Variants in TLL2 observed in about 807,000 individuals in gnomAD.
TLL2 encodes the protein tolloid-like protein 2.
TLL2 carries 106 observed loss-of-function variants against 123.0 expected under a neutral mutation model. That is an observed-to-expected ratio of 0.86 (90% CI 0.74 to 1.01). TLL2 has a LOEUF of 1.01. TLL2 is among the 50% of genes least tolerant of loss of function. The probability of loss-of-function intolerance (pLI) is 0.00; values close to 1 mark genes in which losing one functional copy is unlikely to be tolerated. For synonymous variants in TLL2, 494 were observed against 516.8 expected (o/e 0.96, Z 0.60); for missense variants, 1,332 against 1,336.7 (o/e 1.00, Z 0.06).
At chr10:96,392,932 G>C (rs35132272) in intron 13 of TLL2, among the ~76,000 whole-genome samples, 14,719 of 152,258 alleles carry the variant, frequency 0.097, 950 homozygotes, top group Non-Finnish European at 0.14. Context: ...AGGCAAAGAG[G>C]TGGAAGGAAG....
chr10:96,477,116 A>G (rs899322768), intron 2 of TLL2, among the ~76,000 whole-genome samples: 2 of 150,970 alleles, frequency 1.3e-5, no homozygotes, highest in Non-Finnish European at 2.9e-5. Context: ...TCTGACGATA[A>G]AATAACTATT....
At chr10:96,497,811 T>A (rs961836934) in intron 1 of TLL2, among the ~76,000 whole-genome samples, 1 of 152,248 alleles carries the variant, frequency 6.6e-6, no homozygotes. Context: ...CTCTGACTTA[T>A]AGAGCTTTGC....
intron 11 of TLL2, among the ~76,000 whole-genome samples, chr10:96,396,260 G>A (rs1481706520): frequency 6.6e-6 from 1 of 152,144 alleles, no homozygotes; most frequent in Non-Finnish European, 1.5e-5. Context: ...CTCTAACTTC[G>A]CTGTGCATCA....
rs1161662579 is a variant in TLL2, at chr10:96,366,252, G to A, written c.*1836C>T. 1 of 152,638 alleles carries A rather than the reference G, an allele frequency of 6.6e-6. No individual in the cohort carries two copies. The highest frequency in any genetic ancestry group is 1.9e-4 in the East Asian group (1 of 5,192). 9.5% of individuals were successfully genotyped at this position (152,638 alleles called of 1,614,324 possible). A position where few individuals can be genotyped will look rare whatever the true frequency, so the allele number is the denominator to read the frequency against. On this transcript the variant is annotated 3_prime_UTR_variant, in exon 21 of 21. Transcript: ENST00000357947. The stretch of plus-strand genomic sequence containing the variant: ...TCAAAGCGCACGCTGGGCAGGGTCT[G>A]CCATATGCACAATATGAGCGTGTAG...
In TLL2 at chr10:96,368,140, T is replaced by C. The variant is rs1298441265; in HGVS notation, c.2996A>G (p.His999Arg). The part of the protein sequence containing the change: ...TDDTINKKGF[H>R]ARYTSTKFQD... ...GAACTTGGTGCTGGTGTATCGGGCATGAAAGCCTTTCTTGTTGATGGTGTC... is the reference window on the plus strand; with the variant it reads ...GAACTTGGTGCTGGTGTATCGGGCACGAAAGCCTTTCTTGTTGATGGTGTC... Residue 999 changes from histidine (H) to arginine (R), a missense_variant, in exon 21 of 21, where the codon CAT becomes CGT. Physicochemically the swap from His to Arg is conservative, Grantham distance 29 (BLOSUM62 0). Coordinates refer to ENST00000357947, the MANE Select transcript of TLL2 (RefSeq NM_012465.4). 3.7e-6 allele frequency: 6 copies of C among 1,614,246 alleles called. No individual in the cohort carries two copies. The highest frequency in any genetic ancestry group is 5.1e-6 in the Non-Finnish European group (6 of 1,180,042).
intron 1 of TLL2, among the ~76,000 whole-genome samples, chr10:96,509,469 C>T (rs1157860893): frequency 2.0e-5 from 3 of 152,238 alleles, no homozygotes; most frequent in Admixed American, 6.5e-5. Flanking sequence ...CTCAAAGGCG[C>T]TCCCAGTGGG....
Position 96,410,605 on chromosome 10 carries a change from G to A in TLL2, c.1049-131C>T, listed in dbSNP as rs1339773083. 5 of 738,830 alleles carry A rather than the reference G, an allele frequency of 6.8e-6. No homozygotes were observed. In the Middle Eastern group the frequency reaches 9.0e-4, roughly 134 times the overall value. 45.8% of individuals were successfully genotyped at this position (738,830 alleles called of 1,614,324 possible). On this transcript the variant is annotated intron_variant, in intron 8 of 20. Transcript: ENST00000357947. ...CCCTCGGAACAGGTTGGTGAGAAGT[G>A]TAGCAAGCAGATTGATGTTTTCTGG...
intron 3 of TLL2, among the ~76,000 whole-genome samples, chr10:96,436,095 A>G (rs914853367): frequency 1.3e-5 from 2 of 152,234 alleles, no homozygotes; most frequent in Admixed American, 6.5e-5. Flanking sequence ...ATAAAAGGCC[A>G]TATAGTAAAT....
rs1431228956 is a variant in TLL2, at chr10:96,367,111, G to A, written c.*977C>T. On this transcript the variant is annotated 3_prime_UTR_variant, in exon 21 of 21. Transcript: ENST00000357947. Reference sequence around the variant, plus strand: ...TTCTTACATAACTTATAATTAACCAGTCTTCAACAGTGTTCACCCCATAAG... The same window carrying A: ...TTCTTACATAACTTATAATTAACCAATCTTCAACAGTGTTCACCCCATAAG... 3.3e-5 allele frequency: 5 copies of A among 152,248 alleles called. No homozygotes were observed. In the East Asian group the frequency reaches 9.6e-4, roughly 29 times the overall value. The allele number at this position is 152,248 out of a possible 1,614,324, so 9.4% of individuals were successfully genotyped here. A position where few individuals can be genotyped will look rare whatever the true frequency, so the allele number is the denominator to read the frequency against.
intron 1 of TLL2, among the ~76,000 whole-genome samples, chr10:96,504,102 G>A (rs548504603): frequency 1.1e-4 from 17 of 152,224 alleles, no homozygotes; most frequent in African/African-American, 3.9e-4. Flanking sequence ...CATCTCCTGC[G>A]AGTGCTCCCA....
chr10:96,502,177 A>T (rs948567656), intron 1 of TLL2, among the ~76,000 whole-genome samples: 1 of 152,104 alleles, frequency 6.6e-6, no homozygotes, highest in East Asian at 1.9e-4. Flanking sequence ...AGAAGAACCG[A>T]TGTGAGCTGG....
chr10:96,369,921 A>T (rs1277692370), intron 20 of TLL2, 144 bp downstream of exon 20: 6 of 1,204,378 alleles, frequency 5.0e-6, no homozygotes, highest in African/African-American at 1.5e-5. Context: ...CCTGCTTCCC[A>T]CTCCGCTTCT....
intron 3 of TLL2, among the ~76,000 whole-genome samples, chr10:96,439,828 C>A (rs1211865867): frequency 1.3e-5 from 2 of 152,180 alleles, no homozygotes; most frequent in African/African-American, 4.8e-5. Flanking sequence ...ATAAACCCAA[C>A]CCGCAGATGT....
intron 3 of TLL2, among the ~76,000 whole-genome samples, chr10:96,442,261 C>T (rs1846857008): frequency 6.6e-6 from 1 of 152,202 alleles, no homozygotes; most frequent in African/African-American, 2.4e-5. Context: ...AATAAACCTG[C>T]TGCCGAAACT....
chr10:96,470,784 C>T lies in TLL2; in HGVS notation c.286+9565G>A, dbSNP rs189595473. ...CTGAAAATTCATTTCCACACCTACACGTACTAATAGTACCTACCACATAGA... is the reference window on the plus strand; with the variant it reads ...CTGAAAATTCATTTCCACACCTACATGTACTAATAGTACCTACCACATAGA... On this transcript the variant is annotated intron_variant, in intron 2 of 20. Coordinates refer to ENST00000357947, the MANE Select transcript of TLL2 (RefSeq NM_012465.4). Among the ~76,000 whole-genome samples, 28 of 152,324 alleles carry T rather than the reference C, an allele frequency of 1.8e-4. No homozygotes were observed. The East Asian group carries it at 3.3e-3, about 18-fold the overall frequency.
intron 1 of TLL2, among the ~76,000 whole-genome samples, chr10:96,487,552 T>TG (rs1383188113): frequency 6.6e-6 from 1 of 151,426 alleles, no homozygotes; most frequent in Non-Finnish European, 1.5e-5. Flanking sequence ...GGGGTAGGGG[T>TG]GGGGGTTGAA....
chr10:96,393,940 C>A (rs975665926), intron 13 of TLL2, among the ~76,000 whole-genome samples: 2 of 152,112 alleles, frequency 1.3e-5, no homozygotes, highest in African/African-American at 4.8e-5. Flanking sequence ...GGCTTCACAA[C>A]AATTGCTTAG....
chr10:96,432,637 C>T (rs1846755482), intron 4 of TLL2, among the ~76,000 whole-genome samples, 170 bp downstream of exon 4: 1 of 152,162 alleles, frequency 6.6e-6, no homozygotes, highest in South Asian at 2.1e-4. Context: ...CTGCAATTTC[C>T]CCAGGACTGG....
At chr10:96,458,049 G>A (rs1412835018) in intron 2 of TLL2, among the ~76,000 whole-genome samples, 1 of 152,136 alleles carries the variant, frequency 6.6e-6, no homozygotes, top group African/African-American at 2.4e-5. Context: ...GGCTGCAGGA[G>A]GTGGGGTGGG....
Sources: allele counts gnomAD v4.1 joint callset (sites outside exome capture counted in the v4.1 genomes callset), GRCh38; gene constraint gnomAD v4.1.1; transcripts MANE v1.5; gene names NCBI Gene and HGNC (gene_info 2026-07-23, HGNC 2026-07-21).